The following XRCC4 variants were observed in gnomAD, a reference collection of about 807,000 sequenced individuals.
The protein encoded by XRCC4 is X-ray repair cross complementing 4, also known as DNA repair protein XRCC4.
XRCC4 carries 28 observed loss-of-function variants against 39.1 expected under a neutral mutation model. The observed-to-expected ratio is 0.72, with a 90% CI of 0.53 to 0.98. XRCC4 has a LOEUF of 0.98. Among genes scored for constraint, XRCC4 ranks in the 50% least tolerant of loss-of-function variants. XRCC4 has a pLI of 0.00. For synonymous variants in XRCC4, 123 were observed against 126.4 expected, an observed-to-expected ratio of 0.97 and a Z score of 0.18; for missense variants, 350 against 376.4, an observed-to-expected ratio of 0.93 and a Z score of 0.58.
At chr5:83,197,912 A>G (rs1751021080) in intron 4 of XRCC4, among the ~76,000 whole-genome samples, 1 of 152,082 alleles carries the variant, frequency 6.6e-6, no homozygotes, top group Non-Finnish European at 1.5e-5. Flanking sequence ...AATATTTCCC[A>G]AATTTGATTT....
chr5:83,191,219 A>G (rs1750676765), intron 3 of XRCC4, among the ~76,000 whole-genome samples: 1 of 152,228 alleles, frequency 6.6e-6, no homozygotes, highest in South Asian at 2.1e-4. Flanking sequence ...CTGAAATATT[A>G]AGACTAGAGA....
Position 83,111,134 on chromosome 5 carries a change from T to A in XRCC4, c.246T>A (p.Asp82Glu), listed in dbSNP as rs879255258. ...TGTTGTCAGGAGCAGGACCAGCTGA[T>A]GTATACACGTTTAATTTTTCTAAAG... ...KALLSGAGPA[D>E]VYTFNFSKES... The change falls in exon 3 of 8, where the codon GAT (aspartate) becomes GAA (glutamate). Residue 82 changes from aspartate to glutamate, a missense_variant. Asp to Glu is a conservative substitution (Grantham distance 45). Transcript: ENST00000396027. 1 of 1,608,462 alleles carries A rather than the reference T, an allele frequency of 6.2e-7. No homozygotes were observed. Among genetic ancestry groups the A allele is most frequent in the Admixed American group, 1.7e-5 (1 of 58,784 alleles).
chr5:83,304,382 A>C (rs757726332), intron 7 of XRCC4, among the ~76,000 whole-genome samples: 4 of 152,036 alleles, frequency 2.6e-5, no homozygotes, highest in Non-Finnish European at 4.4e-5. Context: ...ATCAGACTTG[A>C]GTTAACCAGA....
chr5:83,083,884 T>A (rs1279810828), intron 1 of XRCC4, among the ~76,000 whole-genome samples: 1 of 152,196 alleles, frequency 6.6e-6, no homozygotes, highest in Non-Finnish European at 1.5e-5. Flanking sequence ...AAGATTCGTA[T>A]AATATTAGAT....
Position 83,180,991 on chromosome 5 carries a change from A to T in XRCC4, c.316-14779A>T, listed in dbSNP as rs1009662497. On this transcript the variant is annotated intron_variant, in intron 3 of 7. Transcript: ENST00000396027. ...AAGTCAAATAGTTTCTACAAACCTT[A>T]TAATGAAAAATTGGCAGTCCTGTAC... 4.6e-5 allele frequency among the ~76,000 whole-genome samples: 7 copies of T among 151,066 alleles called. No individual in the cohort carries two copies. The East Asian group carries it at 1.4e-3, about 29-fold the overall frequency.
chr5:83,098,858 C>A (rs1251104541), intron 1 of XRCC4, among the ~76,000 whole-genome samples: 1 of 151,912 alleles, frequency 6.6e-6, no homozygotes, highest in Non-Finnish European at 1.5e-5. Flanking sequence ...AGAAATAATC[C>A]TTTTCTTTGC....
intron 6 of XRCC4, among the ~76,000 whole-genome samples, chr5:83,236,866 G>A (rs1159537707): frequency 6.9e-6 from 1 of 145,648 alleles, no homozygotes; most frequent in East Asian, 2.6e-4. Context: ...AACTCAATAG[G>A]TGAAAAAAAA....
intron 3 of XRCC4, among the ~76,000 whole-genome samples, chr5:83,165,195 A>G (rs547904912): frequency 1.3e-5 from 2 of 152,216 alleles, no homozygotes; most frequent in East Asian, 3.8e-4. Flanking sequence ...CCCCTTTAAA[A>G]AAAAATCTAA....
intron 2 of XRCC4, among the ~76,000 whole-genome samples, chr5:83,110,130 A>T (rs962759145): frequency 6.6e-6 from 1 of 152,018 alleles, no homozygotes; most frequent in Admixed American, 6.6e-5. Flanking sequence ...ATTTAAGACC[A>T]CTTCTTCCCA....
At chr5:83,174,061 G>A in intron 3 of XRCC4, among the ~76,000 whole-genome samples, 1 of 152,144 alleles carries the variant, frequency 6.6e-6, no homozygotes, top group East Asian at 1.9e-4. Context: ...AAATGAACCT[G>A]TGGGAGCTAC....
intron 7 of XRCC4, among the ~76,000 whole-genome samples, chr5:83,323,830 A>G (rs186544788): frequency 6.6e-6 from 1 of 152,212 alleles, no homozygotes; most frequent in Admixed American, 6.6e-5. Context: ...GAGAATGGTA[A>G]AGAAAAGATG....
chr5:83,099,757 A>G (rs1003810715), intron 1 of XRCC4, among the ~76,000 whole-genome samples: 11 of 152,170 alleles, frequency 7.2e-5, no homozygotes, highest in African/African-American at 2.4e-4. Context: ...TGTGACCTTT[A>G]GTGCCCTTGG....
the XRCC4 span, among the ~76,000 whole-genome samples, chr5:83,368,418 GC>G: frequency 6.6e-6 from 1 of 152,256 alleles, no homozygotes; most frequent in Non-Finnish European, 1.5e-5. Context: ...TTCTATCCTA[GC>G]CTAAAACTGT....
At chr5:83,263,832 A>G (rs1251842311) in intron 7 of XRCC4, among the ~76,000 whole-genome samples, 1 of 151,422 alleles carries the variant, frequency 6.6e-6, no homozygotes, top group East Asian at 1.9e-4. Flanking sequence ...TTTGCTGTGC[A>G]GAAGCTCTTT....
chr5:83,180,609 A>G (rs1490514980), intron 3 of XRCC4, among the ~76,000 whole-genome samples: 1 of 152,140 alleles, frequency 6.6e-6, no homozygotes, highest in African/African-American at 2.4e-5. Context: ...AACCTACCGA[A>G]TAGCATTTTT....
intron 7 of XRCC4, among the ~76,000 whole-genome samples, chr5:83,272,478 G>A (rs144659851): frequency 3.9e-5 from 6 of 152,082 alleles, no homozygotes; most frequent in East Asian, 1.9e-4. Context: ...ACATAGGTAC[G>A]TATACATGTG....
At chr5:83,354,147 C>T (rs895688848), downstream of XRCC4, among the ~76,000 whole-genome samples, 1 of 152,218 alleles carries the variant, frequency 6.6e-6, no homozygotes, top group Non-Finnish European at 1.5e-5. Flanking sequence ...TCTTAGTCCT[C>T]ACATTACTAA....
chr5:83,346,680 C>T (rs533307956), intron 7 of XRCC4, among the ~76,000 whole-genome samples: 1 of 152,034 alleles, frequency 6.6e-6, no homozygotes, highest in East Asian at 1.9e-4. Flanking sequence ...GTATAATCAA[C>T]AAGTACAGTA....
chr5:83,090,715 A>T (rs912157557), intron 1 of XRCC4, among the ~76,000 whole-genome samples: 1 of 152,134 alleles, frequency 6.6e-6, no homozygotes, highest in Non-Finnish European at 1.5e-5. Flanking sequence ...CTTCATTATT[A>T]TAAACTCAGG....
Sources: allele counts gnomAD v4.1 joint callset (sites outside exome capture counted in the v4.1 genomes callset), GRCh38; gene constraint gnomAD v4.1.1; transcripts MANE v1.5; gene names NCBI Gene and HGNC (gene_info 2026-07-23, HGNC 2026-07-21).